Variants in SGCG observed in about 807,000 individuals in gnomAD.
SGCG encodes the protein sarcoglycan gamma.
A neutral mutation model predicts 29.3 loss-of-function variants in SGCG; 26 were observed. The observed-to-expected ratio is 0.89, with a 90% CI of 0.65 to 1.23. The LOEUF (loss-of-function observed/expected upper bound fraction) is 1.23, where lower values mean the gene tolerates loss of function less well. Among genes scored for constraint, SGCG ranks in the 50% most tolerant of loss-of-function variants. SGCG has a pLI of 0.00. For missense variants in SGCG, 353 were observed against 356.0 expected, an observed-to-expected ratio of 0.99 and a Z score of 0.07; for synonymous variants, 145 against 129.7, an observed-to-expected ratio of 1.12 and a Z score of -0.80.
chr13:23,221,049 A>C (rs1017869220), intron 2 of SGCG, among the ~76,000 whole-genome samples: 4 of 152,132 alleles, frequency 2.6e-5, no homozygotes, highest in Non-Finnish European at 5.9e-5. Context: ...GATGTGTCAG[A>C]TTTAAAATGT....
At chr13:23,181,871 C>T (rs191060866) in intron 1 of SGCG, among the ~76,000 whole-genome samples, 31 of 152,276 alleles carry the variant, frequency 2.0e-4, no homozygotes, top group Admixed American at 2.0e-3. Flanking sequence ...CAGACCAGTA[C>T]AAAAACGAAC....
At chr13:23,256,704 G>T (rs1326496147) in intron 4 of SGCG, among the ~76,000 whole-genome samples, 1 of 152,176 alleles carries the variant, frequency 6.6e-6, no homozygotes, top group Non-Finnish European at 1.5e-5. Context: ...CAAAGGACAT[G>T]AACTCATCCT....
intron 6 of SGCG, among the ~76,000 whole-genome samples, chr13:23,318,112 C>T (rs1340233527): frequency 6.6e-6 from 1 of 152,176 alleles, no homozygotes; most frequent in Non-Finnish European, 1.5e-5. Flanking sequence ...CTCTTTGCTC[C>T]TTAAGCTTTC....
rs993066254 is a variant in SGCG, at chr13:23,309,319, G to A, written c.579-11318G>A. On this transcript the variant is annotated intron_variant, in intron 6 of 7. Transcript: ENST00000218867. ...GTCCAGGCTGGCCTTGAACTCCTGG[G>A]CTCAAATGATCCTTCTGCCTCAAAT... Among the ~76,000 whole-genome samples, 10 of 152,022 alleles carry A rather than the reference G, an allele frequency of 6.6e-5. No individual in the cohort carries two copies. In the South Asian group the frequency reaches 1.9e-3, roughly 28 times the overall value.
intron 6 of SGCG, among the ~76,000 whole-genome samples, chr13:23,300,983 G>A (rs887127504): frequency 1.2e-4 from 19 of 152,098 alleles, no homozygotes; most frequent in African/African-American, 4.6e-4. Flanking sequence ...GGGTGTGGTG[G>A]CAGGCACCTG....
intron 4 of SGCG, among the ~76,000 whole-genome samples, chr13:23,258,477 A>G (rs1593202154): frequency 6.6e-6 from 1 of 152,176 alleles, no homozygotes; most frequent in Non-Finnish European, 1.5e-5. Flanking sequence ...TAAATATACA[A>G]TCATGTCATC....
chr13:23,187,353 C>G (rs1440682312), intron 1 of SGCG, among the ~76,000 whole-genome samples: 17 of 152,220 alleles, frequency 1.1e-4, no homozygotes, highest in Admixed American at 6.5e-5. Context: ...TCCAAACTCT[C>G]CCCTTCCACC....
At chr13:23,295,546 C>A in intron 6 of SGCG, 59 bp downstream of exon 6, 1 of 1,168,214 alleles carries the variant, frequency 8.6e-7, no homozygotes, top group African/African-American at 1.5e-5. Context: ...AGGGTATGTG[C>A]TGGAATAATG....
chr13:23,292,408 C>T (rs1028097623), intron 5 of SGCG, among the ~76,000 whole-genome samples: 1 of 152,234 alleles, frequency 6.6e-6, no homozygotes, highest in African/African-American at 2.4e-5. Flanking sequence ...CTGCGCCCAC[C>T]GACGTTTCTC....
upstream of SGCG, among the ~76,000 whole-genome samples, chr13:23,179,778 G>T (rs1414640891): frequency 1.3e-5 from 2 of 152,226 alleles, no homozygotes; most frequent in Middle Eastern, 3.4e-3. Context: ...AAGAAATTAT[G>T]GTAGAGTATA....
intron 4 of SGCG, among the ~76,000 whole-genome samples, chr13:23,266,909 C>T (rs1040772078): frequency 6.6e-5 from 10 of 152,096 alleles, no homozygotes; most frequent in African/African-American, 2.4e-4. Flanking sequence ...TTGTAAATTA[C>T]CCAGCCTCAG....
chr13:23,323,401 C>T (rs983107098), intron 7 of SGCG, among the ~76,000 whole-genome samples: 12 of 152,306 alleles, frequency 7.9e-5, no homozygotes, highest in African/African-American at 2.9e-4. Flanking sequence ...CGAATGCGTG[C>T]AGCAGACAGC....
intron 2 of SGCG, among the ~76,000 whole-genome samples, chr13:23,227,911 A>G (rs1189139976): frequency 6.6e-6 from 1 of 152,202 alleles, no homozygotes; most frequent in Admixed American, 6.5e-5. Flanking sequence ...CCTGGGCTCA[A>G]GGGATCCTCC....
chr13:23,309,372 G>A (rs1882477504), intron 6 of SGCG, among the ~76,000 whole-genome samples: 1 of 152,060 alleles, frequency 6.6e-6, no homozygotes, highest in Non-Finnish European at 1.5e-5. Context: ...CTCCCAAGTA[G>A]CTGGAACTAC....
intron 3 of SGCG, among the ~76,000 whole-genome samples, chr13:23,242,087 A>C (rs1879535392): frequency 6.6e-6 from 1 of 152,228 alleles, no homozygotes; most frequent in Admixed American, 6.5e-5. Flanking sequence ...TGATGGTAGA[A>C]GGGACACTGC....
In SGCG at chr13:23,324,565, C is replaced by T. The variant is rs1404799192; in HGVS notation, c.*24C>T. On this transcript the variant is annotated 3_prime_UTR_variant, in exon 8 of 8. Transcript: ENST00000218867. ...GAGCTGCCTGCGTCCTCTCGGTGAG[C>T]TGTGCAGTGCCGGCCCCAGATCCTC... The T allele has an allele frequency of 6.2e-7, 1 of 1,600,440 alleles. No homozygotes were observed. Among genetic ancestry groups the T allele is most frequent in the Non-Finnish European group, 8.5e-7 (1 of 1,175,132 alleles).
At chr13:23,187,404 A>G (rs1877025572) in intron 1 of SGCG, among the ~76,000 whole-genome samples, 1 of 152,156 alleles carries the variant, frequency 6.6e-6, no homozygotes, top group Non-Finnish European at 1.5e-5. Flanking sequence ...GTATAGTCTA[A>G]CCTCAGCCTC....
chr13:23,261,491 C>T (rs1235650540), intron 4 of SGCG, among the ~76,000 whole-genome samples: 2 of 152,094 alleles, frequency 1.3e-5, no homozygotes, highest in East Asian at 3.9e-4. Flanking sequence ...TGAACAAAAT[C>T]TCTACAAAAT....
rs1381101841 is a variant in SGCG at position 23,324,415 on chromosome 13, G to A, written c.750G>A (p.Gly250=). The change falls in exon 8 of 8, where the codon GGG becomes GGA. Residue 250 remains glycine, a synonymous_variant. Transcript: ENST00000218867. ...TGTGCTTACCCAAGCTGGTGCAGGG[G>A]ACGTGGGGTCCCTCTGGCAGCTCAC... ...ETVCLPKLVQ[G]TWGPSGSSQS... The A allele has an allele frequency of 6.2e-7, 1 of 1,614,196 alleles. No homozygotes were observed. Among genetic ancestry groups the A allele is most frequent in the Non-Finnish European group, 8.5e-7 (1 of 1,180,042 alleles).
Sources: allele counts gnomAD v4.1 joint callset (sites outside exome capture counted in the v4.1 genomes callset), GRCh38; gene constraint gnomAD v4.1.1; transcripts MANE v1.5; gene names NCBI Gene and HGNC (gene_info 2026-07-23, HGNC 2026-07-21).